The following CORIN variants were observed in gnomAD, a reference collection of about 807,000 sequenced individuals.
CORIN encodes corin, serine peptidase.
In CORIN, 117 loss-of-function variants were observed where a neutral mutation model predicts 125.3. The ratio of observed to expected loss-of-function variants is 0.93; its 90% CI spans 0.80 to 1.09. The LOEUF (loss-of-function observed/expected upper bound fraction) is 1.09. Ranked by LOEUF, CORIN falls within the 50% of genes least tolerant of loss-of-function variation. CORIN has a pLI of 0.00. For synonymous variants in CORIN, 450 were observed against 466.4 expected, an observed-to-expected ratio of 0.96 and a Z score of 0.45; for missense variants, 1,253 against 1,306.7, an observed-to-expected ratio of 0.96 and a Z score of 0.63.
chr4:47,641,837 T>G (rs1174535114), intron 16 of CORIN, 83 bp downstream of exon 16: 1 of 1,504,056 alleles, frequency 6.6e-7, no homozygotes, highest in East Asian at 2.3e-5. Flanking sequence ...ACTAACTCTC[T>G]GTGCATCCTA....
At chr4:47,601,094 G>A (rs536350742) in intron 20 of CORIN, among the ~76,000 whole-genome samples, 9 of 152,304 alleles carry the variant, frequency 5.9e-5, no homozygotes, top group Non-Finnish European at 1.3e-4. Context: ...TTGGAAGAAA[G>A]AGCCATTTTT....
chr4:47,704,329 A>G (rs1726451009), intron 5 of CORIN, among the ~76,000 whole-genome samples: 1 of 152,194 alleles, frequency 6.6e-6, no homozygotes, highest in African/African-American at 2.4e-5. Context: ...TGGTTACACA[A>G]CATCCAAGCA....
chr4:47,785,930 A>T (rs1008664474), intron 3 of CORIN, among the ~76,000 whole-genome samples: 1 of 141,106 alleles, frequency 7.1e-6, no homozygotes, highest in African/African-American at 2.5e-5. Flanking sequence ...AAAAAAAAAA[A>T]GGTAAATAGG....
intron 3 of CORIN, among the ~76,000 whole-genome samples, chr4:47,771,995 AT>A (rs1195893614): frequency 2.0e-5 from 3 of 152,128 alleles, no homozygotes; most frequent in African/African-American, 7.2e-5. Flanking sequence ...ATATAATTGT[AT>A]ATATTCTAGA....
At chr4:47,701,681 A>C (rs1053320065) in intron 5 of CORIN, among the ~76,000 whole-genome samples, 1 of 151,894 alleles carries the variant, frequency 6.6e-6, no homozygotes, top group Admixed American at 6.5e-5. Flanking sequence ...TAATTTAAAA[A>C]GTAGAAAGTT....
At chr4:47,824,336 C>G (rs1732650078) in intron 1 of CORIN, among the ~76,000 whole-genome samples, 1 of 150,282 alleles carries the variant, frequency 6.7e-6, no homozygotes, top group East Asian at 1.9e-4. Flanking sequence ...AATACACACA[C>G]AGTGCTACCA....
chr4:47,625,000 A>C (rs1034801423), intron 17 of CORIN, among the ~76,000 whole-genome samples: 3 of 152,146 alleles, frequency 2.0e-5, no homozygotes, highest in Admixed American at 6.5e-5. Flanking sequence ...ACAATAAATT[A>C]TGTAATACAG....
chr4:47,665,594 T>C (rs1724445615), intron 10 of CORIN, among the ~76,000 whole-genome samples: 1 of 152,220 alleles, frequency 6.6e-6, no homozygotes. Flanking sequence ...ATTCATCTTC[T>C]TCTTCTGATT....
At chr4:47,795,833 G>T (rs926959734) in intron 2 of CORIN, among the ~76,000 whole-genome samples, 3 of 151,936 alleles carry the variant, frequency 2.0e-5, no homozygotes, top group African/African-American at 4.8e-5. Flanking sequence ...AGACACATAC[G>T]CAGAGCCAGT....
intron 4 of CORIN, among the ~76,000 whole-genome samples, chr4:47,745,875 A>G (rs187693304): frequency 3.0e-4 from 46 of 152,362 alleles, no homozygotes; most frequent in Non-Finnish European, 6.3e-4. Flanking sequence ...AATTACATTC[A>G]GATAAAAATA....
chr4:47,611,009 A>G (rs1160568705), intron 19 of CORIN, among the ~76,000 whole-genome samples: 1 of 152,098 alleles, frequency 6.6e-6, no homozygotes, highest in East Asian at 1.9e-4. Context: ...CTTGTAGTAT[A>G]GTTTGAAGTT....
chr4:47,707,273 A>T (rs1293163684), intron 5 of CORIN, among the ~76,000 whole-genome samples: 1 of 152,202 alleles, frequency 6.6e-6, no homozygotes, highest in Admixed American at 6.5e-5. Flanking sequence ...TTAAAAGAAG[A>T]GAAAAAAAAG....
intron 9 of CORIN, among the ~76,000 whole-genome samples, chr4:47,676,580 C>T (rs1725028797): frequency 6.6e-6 from 1 of 152,178 alleles, no homozygotes; most frequent in South Asian, 2.1e-4. Flanking sequence ...TCTGCAAGCT[C>T]CATCAGCGGT....
intron 12 of CORIN, among the ~76,000 whole-genome samples, chr4:47,659,511 T>A (rs1432544872): frequency 2.0e-5 from 3 of 152,122 alleles, no homozygotes; most frequent in Admixed American, 2.0e-4. Context: ...AAGCTTACAG[T>A]CACAGTGAAA....
intron 5 of CORIN, among the ~76,000 whole-genome samples, chr4:47,701,579 A>C (rs1726294208): frequency 6.6e-6 from 1 of 152,224 alleles, no homozygotes; most frequent in Admixed American, 6.5e-5. Context: ...AGGAGAGAGA[A>C]TGTAAATAGA....
chr4:47,765,316 A>ACCCC (rs1560538950), intron 3 of CORIN, among the ~76,000 whole-genome samples: 99 of 151,922 alleles, frequency 6.5e-4, no homozygotes, highest in African/African-American at 2.3e-3. Context: ...GTCCCCCAAA[A>ACCCC]AAAAAAAAAA....
At chr4:47,623,848 A>G in intron 18 of CORIN, 51 bp downstream of exon 18, 2 of 1,605,524 alleles carry the variant, frequency 1.2e-6, no homozygotes, top group Non-Finnish European at 1.7e-6. Context: ...CCCTGAGCCA[A>G]TCCAGTTCAA....
intron 1 of CORIN, among the ~76,000 whole-genome samples, chr4:47,837,094 C>G (rs1489572901): frequency 6.6e-6 from 1 of 152,256 alleles, no homozygotes; most frequent in Non-Finnish European, 1.5e-5. Context: ...AACGCTGCCC[C>G]TTCCCAGGAC....
In CORIN at chr4:47,696,928, G is replaced by A. The variant is rs1434221592; in HGVS notation, c.800-3845C>T. Among the ~76,000 whole-genome samples the A allele has an allele frequency of 3.3e-5, 5 of 152,078 alleles. No homozygotes were observed. In the East Asian group the frequency reaches 5.8e-4, roughly 18 times the overall value. On this transcript the variant is annotated intron_variant, in intron 5 of 21. Transcript: ENST00000273857. ...CAAAAATTATCCACCAGCCTGCCACGGACTGTATGGTGCCCTTACTTGCCC... is the reference window on the plus strand; with the variant it reads ...CAAAAATTATCCACCAGCCTGCCACAGACTGTATGGTGCCCTTACTTGCCC...
Sources: allele counts gnomAD v4.1 joint callset (sites outside exome capture counted in the v4.1 genomes callset), GRCh38; gene constraint gnomAD v4.1.1; transcripts MANE v1.5; gene names NCBI Gene and HGNC (gene_info 2026-07-23, HGNC 2026-07-21).